IQANK1: variants seen among roughly 807,000 people sequenced by gnomAD.
IQANK1 encodes IQ motif and ankyrin repeat containing 1.
A neutral mutation model predicts 22.6 loss-of-function variants in IQANK1; 30 were observed. The ratio of observed to expected loss-of-function variants is 1.33; its 90% CI spans 0.99 to 1.80. IQANK1 has a LOEUF of 1.80. Among genes scored for constraint, IQANK1 ranks in the 40% most tolerant of loss-of-function variants. The pLI is 0.00. For synonymous variants in IQANK1, 122 were observed against 99.6 expected, an observed-to-expected ratio of 1.23 and a Z score of -1.34; for missense variants, 275 against 235.2, an observed-to-expected ratio of 1.17 and a Z score of -1.11.
intron 3 of IQANK1, among the ~76,000 whole-genome samples, chr8:143,764,871 A>G (rs2129886877): frequency 6.6e-6 from 1 of 152,300 alleles, no homozygotes; most frequent in African/African-American, 2.4e-5. Context: ...ATTGTGTACA[A>G]AAGAACATAT....
rs79367401 is a variant in IQANK1 at position 143,742,119 on chromosome 8, G to A, written c.175+2171G>A. On this transcript the variant is annotated intron_variant, in intron 3 of 13. Coordinates refer to ENST00000527139, the MANE Select transcript of IQANK1 (RefSeq NM_001381874.1). ...GATGCAGAACCTCCCTTTGAGCTCG[G>A]TGTTCCCTGCTCCTCACAGAGCCAC... The A allele has an allele frequency of 3.1e-3, 1,083 of 344,330 alleles. 13 individuals are homozygous for A. The highest frequency in any genetic ancestry group is 0.02 in the African/African-American group (926 of 46,652). The allele number at this position is 344,330 out of a possible 1,614,324, so 21.3% of individuals were successfully genotyped here.
At chr8:143,768,903 T>C (rs1472309476) in intron 3 of IQANK1, among the ~76,000 whole-genome samples, 1 of 152,096 alleles carries the variant, frequency 6.6e-6, no homozygotes, top group Non-Finnish European at 1.5e-5. Context: ...GCTGTCACTC[T>C]TTGGAGCTGG....
intron 3 of IQANK1, among the ~76,000 whole-genome samples, chr8:143,747,910 GTCCTT>G (rs71318621): frequency 0.052 from 5,510 of 106,228 alleles, 285 homozygotes; most frequent in African/African-American, 0.12. Flanking sequence ...ATTGTGTTAA[GTCCTT>G]TCCTTTCCTT....
rs1554626234 is a variant in IQANK1, at chr8:143,739,955, G to A, written c.175+7G>A. On this transcript the variant is annotated splice_region_variant and intron_variant, in intron 3 of 13. Transcript: ENST00000527139. ...AGCCCACAGGCCCCCACAGGTGAGAGCCCGCACGTCCCGCGCCGCTGTGGG... is the reference window on the plus strand; with the variant it reads ...AGCCCACAGGCCCCCACAGGTGAGAACCCGCACGTCCCGCGCCGCTGTGGG... 1 of 688,172 alleles carries A rather than the reference G, an allele frequency of 1.5e-6. No homozygotes were observed. Among genetic ancestry groups the A allele is most frequent in the Non-Finnish European group, 2.7e-6 (1 of 376,594 alleles). The allele number at this position is 688,172 out of a possible 1,614,324, so 42.6% of individuals were successfully genotyped here.
intron 3 of IQANK1, among the ~76,000 whole-genome samples, chr8:143,760,704 A>G (rs1240660283): frequency 6.6e-6 from 1 of 152,150 alleles, no homozygotes; most frequent in African/African-American, 2.4e-5. Context: ...AATAAATAGT[A>G]AAGTTTTTAT....
At position 143,789,823 on chromosome 8, in the gene IQANK1, G is replaced by A; in HGVS notation, c.1149G>A (p.Glu383=). ...GGCAGGAGGCCCAGAAGGCCGAGGAGGCGCTGGCTATGGCCAGGCTGGAGC... is the reference window on the plus strand; with the variant it reads ...GGCAGGAGGCCCAGAAGGCCGAGGAAGCGCTGGCTATGGCCAGGCTGGAGC... ...RLRQEAQKAE[E]ALAMARLELR... The change falls in exon 11 of 14, where the codon GAG becomes GAA. Residue 383 remains glutamate (E), a synonymous_variant. Coordinates refer to ENST00000527139, the MANE Select transcript of IQANK1 (RefSeq NM_001381874.1). The A allele has an allele frequency of 1.6e-6, 2 of 1,232,236 alleles. No homozygotes were observed. Among genetic ancestry groups the A allele is most frequent in the Non-Finnish European group, 2.0e-6 (2 of 988,202 alleles). 76.3% of individuals were successfully genotyped at this position (1,232,236 alleles called of 1,614,324 possible).
Position 143,789,888 on chromosome 8 carries a change from G to A in IQANK1, c.1195+19G>A, listed in dbSNP as rs1434823452. On this transcript the variant is annotated intron_variant, in intron 11 of 13. Transcript: ENST00000527139. ...CAGGAGGGTGGGCCTGGCATGGGGC[G>A]CCGGCTGGGGGCTGGGACATACAGC... The A allele has an allele frequency of 6.5e-6, 8 of 1,231,732 alleles. No individual in the cohort carries two copies. The highest frequency in any genetic ancestry group is 3.1e-5 in the African/African-American group (2 of 64,426). The allele number at this position is 1,231,732 out of a possible 1,614,324, so 76.3% of individuals were successfully genotyped here.
chr8:143,739,683 T>G (rs1818846880), intron 2 of IQANK1, among the ~76,000 whole-genome samples, 176 bp from the exon 3 acceptor site: 1 of 152,208 alleles, frequency 6.6e-6, no homozygotes, highest in African/African-American at 2.4e-5. Context: ...TATGTGCTGC[T>G]GGAGGAGCCC....
At position 143,750,974 on chromosome 8, in the gene IQANK1, G is replaced by C. The variant is rs933835363; in HGVS notation, c.175+11026G>C. ...TGTGTGTGTGTGTGTGTGTTTTTTT[G>C]TAGTGAAATGTTTCAATTTCTTCCT... is the stretch of plus-strand genomic sequence containing the variant. On this transcript the variant is annotated intron_variant, in intron 3 of 13. Transcript: ENST00000527139. 2.9e-5 allele frequency among the ~76,000 whole-genome samples: 4 copies of C among 138,922 alleles called. No homozygotes were observed. The South Asian group carries it at 9.4e-4, about 33-fold the overall frequency. The allele number at this position is 138,922 out of a possible 152,430, so 91.1% of individuals were successfully genotyped here.
intron 3 of IQANK1, among the ~76,000 whole-genome samples, chr8:143,754,715 T>A (rs1333348677): frequency 6.6e-6 from 1 of 152,144 alleles, no homozygotes; most frequent in Admixed American, 6.5e-5. Flanking sequence ...AAGCTCCGCC[T>A]TCTGGGTTCA....
chr8:143,748,659 CAT>C (rs1297106906), intron 3 of IQANK1, among the ~76,000 whole-genome samples: 3 of 92,012 alleles, frequency 3.3e-5, no homozygotes, highest in Admixed American at 1.2e-4. Flanking sequence ...ATATATCAAT[CAT>C]ATATAAATAT....
At chr8:143,787,861 C>T (rs1316044501) in intron 7 of IQANK1, among the ~76,000 whole-genome samples, 4 of 152,014 alleles carry the variant, frequency 2.6e-5, no homozygotes, top group South Asian at 2.1e-4. Flanking sequence ...CTGCTTGCTC[C>T]ATGGCCCGTG....
At position 143,758,691 on chromosome 8, in the gene IQANK1, G is replaced by A. The variant is rs1741446843; in HGVS notation, c.176-12797G>A. 1 of 152,230 alleles carries A rather than the reference G, an allele frequency of 6.6e-6. No individual in the cohort carries two copies. The highest frequency in any genetic ancestry group is 2.4e-5 in the African/African-American group (1 of 41,424). 9.4% of individuals were successfully genotyped at this position (152,230 alleles called of 1,614,324 possible). A position where few individuals can be genotyped will look rare whatever the true frequency, so the allele number is the denominator to read the frequency against. ...TGGATCAAAACTGGCAGTGACACCT[G>A]GCCCCTGACAAGCCTGAGTCACAGG... On this transcript the variant is annotated intron_variant, in intron 3 of 13. Transcript: ENST00000527139. The surrounding 1 kb of genome is among the most constrained non-coding windows in gnomAD (Gnocchi z 4.2).
intron 3 of IQANK1, among the ~76,000 whole-genome samples, chr8:143,769,453 T>C (rs2129901372): frequency 6.6e-6 from 1 of 152,288 alleles, no homozygotes; most frequent in Admixed American, 6.5e-5. Context: ...CATCTCAGCC[T>C]CCCAATGTGC....
intron 3 of IQANK1, among the ~76,000 whole-genome samples, chr8:143,768,632 T>G (rs1331336236): frequency 2.6e-5 from 4 of 152,136 alleles, no homozygotes; most frequent in Non-Finnish European, 4.4e-5. Flanking sequence ...CCACTCCCTC[T>G]AGTGTGTTTT....
chr8:143,749,257 T>G (rs183770941), intron 3 of IQANK1, among the ~76,000 whole-genome samples: 2,079 of 123,612 alleles, frequency 0.017, 42 homozygotes, highest in Admixed American at 0.049. Context: ...ATGTTATATA[T>G]GATATAAATG....
At chr8:143,759,976 C>G (rs374639104) in intron 3 of IQANK1, among the ~76,000 whole-genome samples, 10 of 152,162 alleles carry the variant, frequency 6.6e-5, no homozygotes, top group African/African-American at 2.4e-4. Flanking sequence ...TGCAGAACTC[C>G]CAGGCCCAGC....
intron 3 of IQANK1, among the ~76,000 whole-genome samples, chr8:143,751,743 T>C (rs1303145701): frequency 1.3e-5 from 2 of 149,548 alleles, no homozygotes; most frequent in African/African-American, 2.4e-5. Context: ...TTGAGATCTT[T>C]ATTTCTTCTT....
intron 7 of IQANK1, 24 bp downstream of exon 7, chr8:143,772,506 C>G: frequency 2.5e-6 from 1 of 399,488 alleles, no homozygotes; most frequent in Non-Finnish European, 4.4e-6. Context: ...AGGTGTGGGC[C>G]CCGGGAGGTG....
Sources: allele counts gnomAD v4.1 joint callset (sites outside exome capture counted in the v4.1 genomes callset), GRCh38; gene constraint gnomAD v4.1.1; non-coding constraint Gnocchi (gnomAD v3.1); transcripts MANE v1.5; gene names NCBI Gene and HGNC (gene_info 2026-07-23, HGNC 2026-07-21).